The following SMARCA2 variants were observed in gnomAD, a reference collection of about 807,000 sequenced individuals.
SMARCA2 encodes SWI/SNF-related matrix-associated actin-dependent regulator of chromatin subfamily A member 2.
A neutral mutation model predicts 199.8 loss-of-function variants in SMARCA2; 61 were observed. That is an observed-to-expected ratio of 0.31 (90% CI 0.25 to 0.38). The LOEUF (loss-of-function observed/expected upper bound fraction) is 0.38, where lower values mean the gene tolerates loss of function less well. Ranked by LOEUF, SMARCA2 falls within the 10% of genes least tolerant of loss-of-function variation. The pLI, the probability that SMARCA2 is intolerant of heterozygous loss-of-function variation, is 1.00. For synonymous variants in SMARCA2, 935 were observed against 732.0 expected, an observed-to-expected ratio of 1.28 and a Z score of -4.48; for missense variants, 1,344 against 2,012.2, an observed-to-expected ratio of 0.67 and a Z score of 6.35.
chr9:2,182,549 A>C (rs1363357797), intron 31 of SMARCA2, among the ~76,000 whole-genome samples: 4 of 127,712 alleles, frequency 3.1e-5, no homozygotes, highest in African/African-American at 5.9e-5. Flanking sequence ...GCTGGAGTGC[A>C]GTGGTGCCTT....
At chr9:2,102,735 C>T (rs1822578142) in intron 22 of SMARCA2, among the ~76,000 whole-genome samples, 1 of 152,126 alleles carries the variant, frequency 6.6e-6, no homozygotes, top group African/African-American at 2.4e-5. Flanking sequence ...TCTTGTCCTC[C>T]CCCAGTCCAT....
chr9:2,148,347 G>C (rs1824873006), intron 27 of SMARCA2, among the ~76,000 whole-genome samples: 1 of 151,568 alleles, frequency 6.6e-6, no homozygotes, highest in African/African-American at 2.4e-5. Context: ...CTGTGCAGTA[G>C]GCAGAGTCAT....
chr9:2,164,004 TG>T (rs1325053720), intron 28 of SMARCA2, among the ~76,000 whole-genome samples: 7 of 152,170 alleles, frequency 4.6e-5, no homozygotes, highest in African/African-American at 1.4e-4. Context: ...GGCAGCACTT[TG>T]CCCAGCTCTC....
intron 3 of SMARCA2, among the ~76,000 whole-genome samples, chr9:2,038,828 T>C (rs899016731): frequency 6.6e-6 from 1 of 152,206 alleles, no homozygotes; most frequent in African/African-American, 2.4e-5. Context: ...ACTCCTTGCA[T>C]AGTACCTACA....
chr9:2,152,202 T>G (rs1219371215), intron 27 of SMARCA2, among the ~76,000 whole-genome samples: 1 of 152,218 alleles, frequency 6.6e-6, no homozygotes, highest in Non-Finnish European at 1.5e-5. Context: ...ATGATGATCC[T>G]GGAATATTTC....
chr9:2,150,563 C>T (rs1303149301), intron 27 of SMARCA2, among the ~76,000 whole-genome samples: 1 of 151,654 alleles, frequency 6.6e-6, no homozygotes, highest in Non-Finnish European at 1.5e-5. Flanking sequence ...ATCGTTTACT[C>T]CGAGGGGTGT....
intron 33 of SMARCA2, chr9:2,191,722 T>G (rs1310819861): frequency 8.7e-6 from 2 of 230,196 alleles, no homozygotes; most frequent in South Asian, 7.9e-5. Context: ...AGTTAATATT[T>G]TACATGCATC....
chr9:2,172,820 A>T (rs1162395666), intron 29 of SMARCA2, among the ~76,000 whole-genome samples: 1 of 152,146 alleles, frequency 6.6e-6, no homozygotes, highest in East Asian at 1.9e-4. Context: ...CAGGGAGCCG[A>T]CATCAGCCCT....
rs201088600 is a variant in SMARCA2 at position 2,101,662 on chromosome 9, C to G, written c.3125+46C>G. The G allele has an allele frequency of 5.4e-6, 5 of 921,968 alleles. No individual in the cohort carries two copies. In the East Asian group the frequency reaches 7.5e-5, roughly 14 times the overall value. The allele number at this position is 921,968 out of a possible 1,614,324, so 57.1% of individuals were successfully genotyped here. A position where few individuals can be genotyped will look rare whatever the true frequency, so the allele number is the denominator to read the frequency against. On this transcript the variant is annotated intron_variant, in intron 22 of 33. Transcript: ENST00000349721. ...TCTTTTAAAAAAAAATGTTGTTGGCCTTACATAAACTCCTCCTCTCTACAG... is the reference window on the plus strand; with the variant it reads ...TCTTTTAAAAAAAAATGTTGTTGGCGTTACATAAACTCCTCCTCTCTACAG...
chr9:2,015,679 C>A (rs550631875), intron 1 of SMARCA2, among the ~76,000 whole-genome samples: 2 of 152,174 alleles, frequency 1.3e-5, no homozygotes, highest in Non-Finnish European at 2.9e-5. Flanking sequence ...AAGTTTCAAC[C>A]GAACCTTGCT....
At chr9:2,127,056 C>T (rs1823728356) in intron 27 of SMARCA2, among the ~76,000 whole-genome samples, 1 of 152,230 alleles carries the variant, frequency 6.6e-6, no homozygotes, top group Non-Finnish European at 1.5e-5. Flanking sequence ...CTACCTTCCT[C>T]TTTCTCTTGA....
chr9:2,096,636 T>G (rs1244222409), intron 19 of SMARCA2, 21 bp from the exon 20 acceptor site: 1 of 1,540,752 alleles, frequency 6.5e-7, no homozygotes, highest in Admixed American at 1.7e-5. Flanking sequence ...TCTTGCCTAC[T>G]TACTGTTCTC....
intron 24 of SMARCA2, among the ~76,000 whole-genome samples, chr9:2,114,177 G>A (rs1160378409): frequency 2.0e-5 from 3 of 152,168 alleles, no homozygotes; most frequent in African/African-American, 7.2e-5. Context: ...ACTTTAGGGT[G>A]TTTTAAAGTT....
rs370294098 is a variant in SMARCA2 at position 2,191,218 on chromosome 9, C to T, written c.4595-48C>T. The T allele has an allele frequency of 5.5e-5, 87 of 1,585,382 alleles. No homozygotes were observed. The African/African-American group carries it at 8.9e-4, about 16-fold the overall frequency. ...ATAGTCTTACCACCTATACAAAGAT[C>T]TCCTTGTGATTACTCACTGGTGTCT... On this transcript the variant is annotated intron_variant, in intron 32 of 33. Transcript: ENST00000349721.
chr9:2,192,831 G>T lies in SMARCA2; in HGVS notation c.*92G>T, dbSNP rs981312954. On this transcript the variant is annotated 3_prime_UTR_variant, in exon 34 of 34. Coordinates refer to ENST00000349721, the MANE Select transcript of SMARCA2 (RefSeq NM_003070.5). ...AGTTCATTTGTCATATAGGCACTGGGTTGTTTCTATATCATCATCGTCTAT... is the reference window on the plus strand; with the variant it reads ...AGTTCATTTGTCATATAGGCACTGGTTTGTTTCTATATCATCATCGTCTAT... 1.1e-5 allele frequency: 10 copies of T among 900,534 alleles called. No individual in the cohort carries two copies. In the Admixed American group the frequency reaches 1.9e-4, roughly 17 times the overall value. The allele number at this position is 900,534 out of a possible 1,614,324, so 55.8% of individuals were successfully genotyped here. A position where few individuals can be genotyped will look rare whatever the true frequency, so the allele number is the denominator to read the frequency against.
rs1818425227 is a variant in SMARCA2, at chr9:2,017,778, C to T, written c.-37+2374C>T. ...CCCAAGCTCCGCGAACCCCGCGCCC[C>T]TTTTTGTTCCGCGTCCTCCAGGTAA... On this transcript the variant is annotated intron_variant, in intron 1 of 33. Transcript: ENST00000349721. This position sits in a 1 kb window ranked among gnomAD's most constrained non-coding sequence, Gnocchi z 8.8. 6.6e-6 allele frequency: 1 copy of T among 152,396 alleles called. No homozygotes were observed. Among genetic ancestry groups the T allele is most frequent in the Admixed American group, 6.5e-5 (1 of 15,290 alleles). 9.4% of individuals were successfully genotyped at this position (152,396 alleles called of 1,614,324 possible). A position where few individuals can be genotyped will look rare whatever the true frequency, so the allele number is the denominator to read the frequency against.
chr9:2,136,408 G>A lies in SMARCA2; in HGVS notation c.3981+12471G>A, dbSNP rs549830595. Among the ~76,000 whole-genome samples the A allele has an allele frequency of 4.0e-5, 6 of 151,810 alleles. No homozygotes were observed. In the East Asian group the frequency reaches 5.8e-4, roughly 15 times the overall value. On this transcript the variant is annotated intron_variant, in intron 27 of 33. Transcript: ENST00000349721. ...TTGCCATGTTGGCCAATCTGGTCTC[G>A]AACTCCTGACCTCAAGTGATCTGCC...
Position 2,115,704 on chromosome 9 carries a change from C to G in SMARCA2, c.3457-118C>G. The G allele has an allele frequency of 1.3e-6, 1 of 757,470 alleles. No individual in the cohort carries two copies. The highest frequency in any genetic ancestry group is 1.9e-5 in the South Asian group (1 of 53,798). The allele number at this position is 757,470 out of a possible 1,614,324, so 46.9% of individuals were successfully genotyped here. On this transcript the variant is annotated intron_variant, in intron 24 of 33. Coordinates refer to ENST00000349721, the MANE Select transcript of SMARCA2 (RefSeq NM_003070.5). The surrounding 1 kb of genome is among the most constrained non-coding windows in gnomAD (Gnocchi z 6.0). Reference sequence around the variant, plus strand: ...TGTGTTTTTAAAATGTAGGCAAAATCTTACCTTAGTGAAGGTGAAATACAG... The same window carrying G: ...TGTGTTTTTAAAATGTAGGCAAAATGTTACCTTAGTGAAGGTGAAATACAG...
At chr9:2,099,028 A>G (rs994120044) in intron 21 of SMARCA2, among the ~76,000 whole-genome samples, 2 of 152,108 alleles carry the variant, frequency 1.3e-5, no homozygotes, top group Admixed American at 6.6e-5. Context: ...CATATCCACC[A>G]GGTCACTTTG....
Sources: gnomAD v4.1 joint callset for allele counts (sites outside exome capture counted in the v4.1 genomes callset) on GRCh38, gnomAD v4.1.1 for gene constraint, Gnocchi (gnomAD v3.1) non-coding constraint, MANE v1.5 for transcripts, NCBI Gene and HGNC (gene_info 2026-07-23, HGNC 2026-07-21) for gene names.